PPM1E: variants seen among roughly 807,000 people sequenced by gnomAD.
The protein encoded by PPM1E is protein phosphatase, Mg2+/Mn2+ dependent 1E.
Under a neutral mutation model 65.9 loss-of-function variants are expected in PPM1E, and 20 were observed. The observed-to-expected ratio is 0.30, with a 90% CI of 0.21 to 0.44. The LOEUF is 0.44. PPM1E is among the 20% of genes least tolerant of loss of function. The probability of loss-of-function intolerance (pLI) is 1.00; values close to 1 mark genes in which losing one functional copy is unlikely to be tolerated. For synonymous variants in PPM1E, 352 were observed against 374.9 expected (o/e 0.94, Z 0.70); for missense variants, 713 against 953.1 (o/e 0.75, Z 3.32).
At chr17:58,841,521 C>CTTTT (rs34826804) in intron 1 of PPM1E, among the ~76,000 whole-genome samples, 1 of 99,022 alleles carries the variant, frequency 1.0e-5, no homozygotes, top group African/African-American at 3.3e-5. Flanking sequence ...AAAACAAATA[C>CTTTT]TTTTTTTTTT....
rs57470578 is a variant in PPM1E at position 58,864,643 on chromosome 17, GA to G, written c.465-90998del. Among the ~76,000 whole-genome samples the G allele has an allele frequency of 9.3e-3, 1,369 of 147,866 alleles. 25 individuals are homozygous for G. The highest frequency in any genetic ancestry group is 0.032 in the African/African-American group (1,265 of 39,956). ...CGACAGAGCGAGACTCCATCTCAAA[GA>G]AAAAAAATGATGGCTGGGCGCAGTG... On this transcript the variant is annotated intron_variant, in intron 1 of 6. Coordinates refer to ENST00000308249, the MANE Select transcript of PPM1E (RefSeq NM_014906.5).
intron 1 of PPM1E, among the ~76,000 whole-genome samples, chr17:58,846,723 A>G (rs1026080613): frequency 2.7e-4 from 41 of 152,214 alleles, no homozygotes; most frequent in African/African-American, 8.0e-4. Context: ...TAGTGCCACA[A>G]TAAACATACG....
chr17:58,980,735 A>C lies in PPM1E; in HGVS notation c.1972A>C (p.Lys658Gln). The C allele has an allele frequency of 6.2e-7, 1 of 1,614,190 alleles. No individual in the cohort carries two copies. Among genetic ancestry groups the C allele is most frequent in the Non-Finnish European group, 8.5e-7 (1 of 1,180,014 alleles). Residue 658 changes from lysine (K) to glutamine (Q), a missense_variant, in exon 7 of 7, where the codon AAA becomes CAA. Around this residue, in one of 6 missense-constraint regions of PPM1E, gnomAD observed 286 missense variants for 313.8 expected, o/e 0.91. Transcript: ENST00000308249. The surrounding 1 kb of genome is among the most constrained non-coding windows in gnomAD (Gnocchi z 4.7). ...TTCAGGGTTGGAAAATGAACAGTTC[A>C]AATCCCCGGGAAACAGAGTTTCTAG... ...VCSGLENEQF[K>Q]SPGNRVSRLS...
chr17:58,831,669 G>T (rs2143179248), intron 1 of PPM1E, among the ~76,000 whole-genome samples: 1 of 152,198 alleles, frequency 6.6e-6, no homozygotes, highest in East Asian at 1.9e-4. Context: ...TAGATTCCTG[G>T]AGTTCTTTGA....
chr17:58,836,497 T>C (rs1483235649), intron 1 of PPM1E, among the ~76,000 whole-genome samples: 1 of 150,196 alleles, frequency 6.7e-6, no homozygotes, highest in African/African-American at 2.4e-5. Flanking sequence ...GGAGTCTTGC[T>C]CTGTCGCCCA....
chr17:58,756,826 C>T (rs2049772546), intron 1 of PPM1E, among the ~76,000 whole-genome samples: 1 of 152,224 alleles, frequency 6.6e-6, no homozygotes, highest in Non-Finnish European at 1.5e-5. Flanking sequence ...TCCTTCCTCC[C>T]AGGCTTGAGC....
At chr17:58,790,231 AT>A (rs930640880) in intron 1 of PPM1E, among the ~76,000 whole-genome samples, 183 of 146,098 alleles carry the variant, frequency 1.3e-3, no homozygotes, top group Admixed American at 3.7e-3. Flanking sequence ...GCTAATTAAA[AT>A]TTTTTTTTTT....
chr17:58,755,909 T>G lies in PPM1E; in HGVS notation c.-89T>G. On this transcript the variant is annotated 5_prime_UTR_variant, in exon 1 of 7. Coordinates refer to ENST00000308249, the MANE Select transcript of PPM1E (RefSeq NM_014906.5). ...TGCCGGTGCGGCCGTTAACCGCCCTTGCCGGAGCCCTAGGCTCAAAAGCAG... is the reference window on the plus strand; with the variant it reads ...TGCCGGTGCGGCCGTTAACCGCCCTGGCCGGAGCCCTAGGCTCAAAAGCAG... 4 of 1,564,126 alleles carry G rather than the reference T, an allele frequency of 2.6e-6. 1 individual carries two copies. The South Asian group carries it at 4.8e-5, about 19-fold the overall frequency.
chr17:58,841,351 A>G (rs2050715517), intron 1 of PPM1E, among the ~76,000 whole-genome samples: 1 of 152,076 alleles, frequency 6.6e-6, no homozygotes, highest in African/African-American at 2.4e-5. Flanking sequence ...CATGGGAGAG[A>G]CGTGACAAAC....
At chr17:58,901,491 T>C (rs1220033843) in intron 1 of PPM1E, among the ~76,000 whole-genome samples, 2 of 151,652 alleles carry the variant, frequency 1.3e-5, no homozygotes, top group Admixed American at 6.6e-5. Flanking sequence ...CTGGCCAATA[T>C]AGTGAAACCT....
chr17:58,764,442 T>G (rs536281048), intron 1 of PPM1E, among the ~76,000 whole-genome samples: 1 of 152,230 alleles, frequency 6.6e-6, no homozygotes, highest in African/African-American at 2.4e-5. Context: ...TGCCTCACCC[T>G]TGTAGTACCA....
At chr17:58,932,610 A>AAGTTCCAGG (rs1277808262) in intron 1 of PPM1E, among the ~76,000 whole-genome samples, 1 of 152,210 alleles carries the variant, frequency 6.6e-6, no homozygotes, top group African/African-American at 2.4e-5. Flanking sequence ...CTCCGTAAGG[A>AAGTTCCAGG]AGTTCCAGGA....
intron 1 of PPM1E, among the ~76,000 whole-genome samples, chr17:58,900,787 G>A (rs2051489707): frequency 6.6e-6 from 1 of 152,034 alleles, no homozygotes; most frequent in African/African-American, 2.4e-5. Context: ...TCTTGTTAAT[G>A]TTTTCTTATG....
At chr17:58,809,400 AT>A (rs1457960686) in intron 1 of PPM1E, among the ~76,000 whole-genome samples, 3 of 150,364 alleles carry the variant, frequency 2.0e-5, no homozygotes, top group Admixed American at 6.7e-5. Flanking sequence ...AATTAACAAA[AT>A]TTTTTTTTTG....
chr17:58,771,791 A>G (rs1442706643), intron 1 of PPM1E, among the ~76,000 whole-genome samples: 1 of 152,080 alleles, frequency 6.6e-6, no homozygotes, highest in East Asian at 1.9e-4. Context: ...TTTATAATGG[A>G]AGTAATATTT....
At chr17:58,967,260 G>C (rs984058328) in intron 3 of PPM1E, among the ~76,000 whole-genome samples, 2 of 152,046 alleles carry the variant, frequency 1.3e-5, no homozygotes, top group African/African-American at 4.8e-5. Flanking sequence ...AAAAGTCTTA[G>C]GCATGTGTTT....
At chr17:58,792,704 C>G (rs2050167387) in intron 1 of PPM1E, among the ~76,000 whole-genome samples, 1 of 140,320 alleles carries the variant, frequency 7.1e-6, no homozygotes, top group African/African-American at 2.7e-5. Context: ...GCTATAAATA[C>G]TTGGAACAGT....
intron 1 of PPM1E, among the ~76,000 whole-genome samples, chr17:58,824,826 T>C (rs1334033644): frequency 1.3e-5 from 2 of 151,426 alleles, no homozygotes; most frequent in Non-Finnish European, 2.9e-5. Flanking sequence ...GCCAGGATGG[T>C]CTCAATCTCC....
In PPM1E at chr17:58,980,734, C is replaced by A. The variant is rs369185588; in HGVS notation, c.1971C>A (p.Phe657Leu). The change falls in exon 7 of 7, where the codon TTC becomes TTA. Residue 657 changes from phenylalanine (F) to leucine (L), a missense_variant. By Grantham distance (22) the Phe-to-Leu change is conservative. Coordinates refer to ENST00000308249, the MANE Select transcript of PPM1E (RefSeq NM_014906.5). This position sits in a 1 kb window ranked among gnomAD's most constrained non-coding sequence, Gnocchi z 4.7. ...PVCSGLENEQ[F>L]KSPGNRVSRL... is the part of the protein sequence containing the mutation. ...GTTCAGGGTTGGAAAATGAACAGTT[C>A]AAATCCCCGGGAAACAGAGTTTCTA... 3 of 1,613,980 alleles carry A rather than the reference C, an allele frequency of 1.9e-6. No individual in the cohort carries two copies. In the African/African-American group the frequency reaches 4.0e-5, roughly 22 times the overall value.
Sources: allele counts gnomAD v4.1 joint callset (sites outside exome capture counted in the v4.1 genomes callset), GRCh38; gene constraint gnomAD v4.1.1; regional missense constraint gnomAD v4.1.1; non-coding constraint Gnocchi (gnomAD v3.1); transcripts MANE v1.5; gene names NCBI Gene and HGNC (gene_info 2026-07-23, HGNC 2026-07-21).